The following ERBB4 variants were observed in gnomAD, a reference collection of about 807,000 sequenced individuals.
The protein encoded by ERBB4 is erb-b2 receptor tyrosine kinase 4, also known as receptor tyrosine-protein kinase erbB-4.
Under a neutral mutation model 158.0 loss-of-function variants are expected in ERBB4, and 42 were observed. The observed-to-expected ratio is 0.27, with a 90% confidence interval of 0.21 to 0.34. ERBB4 has a LOEUF of 0.34. Ranked by LOEUF, ERBB4 falls within the 10% of genes least tolerant of loss-of-function variation. The pLI, the probability that ERBB4 is intolerant of heterozygous loss-of-function variation, is 1.00. For synonymous variants in ERBB4, 583 were observed against 558.7 expected, an observed-to-expected ratio of 1.04 and a Z score of -0.61; for missense variants, 1,333 against 1,624.1, an observed-to-expected ratio of 0.82 and a Z score of 3.08.
intron 2 of ERBB4, among the ~76,000 whole-genome samples, chr2:212,121,016 G>A (rs2079731209): frequency 6.6e-6 from 1 of 152,112 alleles, no homozygotes; most frequent in South Asian, 2.1e-4. Flanking sequence ...GCCATAATGT[G>A]GTTTTAGGAA....
chr2:212,368,598 T>TC (rs2089975963), intron 1 of ERBB4, among the ~76,000 whole-genome samples: 1 of 152,090 alleles, frequency 6.6e-6, no homozygotes, highest in Admixed American at 6.6e-5. Flanking sequence ...CTTAATGGTG[T>TC]CCATCAATAT....
intron 1 of ERBB4, among the ~76,000 whole-genome samples, chr2:212,254,993 C>G (rs2084673692): frequency 1.3e-5 from 2 of 152,160 alleles, no homozygotes; most frequent in African/African-American, 4.8e-5. Flanking sequence ...TACATTATTT[C>G]ACGGGTATAG....
intron 15 of ERBB4, among the ~76,000 whole-genome samples, chr2:211,661,381 T>G (rs2071415505): frequency 6.6e-6 from 1 of 151,908 alleles, no homozygotes; most frequent in Non-Finnish European, 1.5e-5. Flanking sequence ...TGAATCAAAA[T>G]CTAGAATAGT....
chr2:211,496,988 C>T (rs2065485235), intron 20 of ERBB4, among the ~76,000 whole-genome samples: 1 of 152,026 alleles, frequency 6.6e-6, no homozygotes, highest in Non-Finnish European at 1.5e-5. Flanking sequence ...AACATAAACT[C>T]CAAGAAGGAA....
chr2:211,863,480 GCTGTAACACTTA>G (rs1367844152), intron 3 of ERBB4, among the ~76,000 whole-genome samples: 1 of 152,134 alleles, frequency 6.6e-6, no homozygotes, highest in Non-Finnish European at 1.5e-5. Flanking sequence ...ACCTTTATGA[GCTGTAACACTTA>G]CCACAGGGGT....
chr2:212,032,126 T>C (rs1034382498), intron 2 of ERBB4, among the ~76,000 whole-genome samples: 2 of 152,130 alleles, frequency 1.3e-5, no homozygotes, highest in African/African-American at 4.8e-5. Flanking sequence ...TGCCATTTCA[T>C]ATGCAATGTT....
intron 1 of ERBB4, among the ~76,000 whole-genome samples, chr2:212,163,777 G>C (rs965528125): frequency 4.6e-5 from 7 of 151,798 alleles, no homozygotes; most frequent in Non-Finnish European, 8.8e-5. Flanking sequence ...GACCTTTTGT[G>C]CATGACATAC....
chr2:211,674,007 G>A (rs1188766018), intron 13 of ERBB4, among the ~76,000 whole-genome samples: 1 of 151,796 alleles, frequency 6.6e-6, no homozygotes, highest in Non-Finnish European at 1.5e-5. Flanking sequence ...TTACATTTTT[G>A]TGGCTATTTG....
intron 2 of ERBB4, among the ~76,000 whole-genome samples, chr2:211,977,251 G>C (rs1178216836): frequency 6.6e-6 from 1 of 152,106 alleles, no homozygotes; most frequent in Admixed American, 6.5e-5. Context: ...ACAGAGTTAA[G>C]TTGGAAGTCT....
intron 1 of ERBB4, among the ~76,000 whole-genome samples, chr2:212,397,389 G>T (rs536445688): frequency 2.0e-5 from 3 of 151,834 alleles, no homozygotes; most frequent in Non-Finnish European, 4.4e-5. Context: ...GAGAGTATCA[G>T]TTGAGCCTTA....
At chr2:211,987,582 A>C (rs1047640557) in intron 2 of ERBB4, among the ~76,000 whole-genome samples, 2 of 152,046 alleles carry the variant, frequency 1.3e-5, no homozygotes, top group Non-Finnish European at 1.5e-5. Context: ...AGAGGAATCT[A>C]TTGCAATCAA....
At chr2:211,891,188 G>A (rs1171272771) in intron 3 of ERBB4, among the ~76,000 whole-genome samples, 6 of 76,012 alleles carry the variant, frequency 7.9e-5, no homozygotes, top group South Asian at 4.8e-4. Context: ...TAAAAGAACA[G>A]AAATTATAAC....
intron 2 of ERBB4, among the ~76,000 whole-genome samples, chr2:212,019,645 C>A (rs1371030878): frequency 6.6e-6 from 1 of 151,594 alleles, no homozygotes; most frequent in African/African-American, 2.4e-5. Flanking sequence ...CGCCTGTAAT[C>A]CCAGCTACTT....
intron 1 of ERBB4, among the ~76,000 whole-genome samples, chr2:212,227,282 A>G (rs1006485248): frequency 6.6e-6 from 1 of 151,858 alleles, no homozygotes; most frequent in Non-Finnish European, 1.5e-5. Flanking sequence ...AATGGAGATT[A>G]CAAGCAGCAA....
At chr2:211,999,187 C>T (rs989457029) in intron 2 of ERBB4, among the ~76,000 whole-genome samples, 72 of 151,796 alleles carry the variant, frequency 4.7e-4, no homozygotes, top group Admixed American at 1.4e-3. Context: ...TTAGTCTTCC[C>T]AAATAACTCT....
At chr2:212,536,907 A>G (rs1693102212) in intron 1 of ERBB4, among the ~76,000 whole-genome samples, 1 of 152,006 alleles carries the variant, frequency 6.6e-6, no homozygotes, top group Non-Finnish European at 1.5e-5. Flanking sequence ...AAGGGACTCG[A>G]AGTGGGGAGG....
At chr2:211,730,003 C>A (rs1218399929) in intron 5 of ERBB4, among the ~76,000 whole-genome samples, 3 of 151,746 alleles carry the variant, frequency 2.0e-5, no homozygotes, top group Admixed American at 1.3e-4. Flanking sequence ...TGAATTCATT[C>A]AAAATATCCA....
At chr2:212,028,454 T>C (rs1301392843) in intron 2 of ERBB4, among the ~76,000 whole-genome samples, 2 of 152,266 alleles carry the variant, frequency 1.3e-5, no homozygotes, top group Admixed American at 1.3e-4. Context: ...ACTTTTAAGT[T>C]TCAGAAAGAC....
At chr2:212,058,885 C>G (rs1258979035) in intron 2 of ERBB4, among the ~76,000 whole-genome samples, 1 of 152,140 alleles carries the variant, frequency 6.6e-6, no homozygotes, top group Non-Finnish European at 1.5e-5. Context: ...TGGCACAAGA[C>G]AGGGATGCCC....
Sources: allele counts gnomAD v4.1 joint callset (sites outside exome capture counted in the v4.1 genomes callset), GRCh38; gene constraint gnomAD v4.1.1; transcripts MANE v1.5; gene names NCBI Gene and HGNC (gene_info 2026-07-23, HGNC 2026-07-21).